The following NELL1 variants were observed in gnomAD, a reference collection of about 807,000 sequenced individuals.
NELL1 encodes neural EGFL like 1.
A neutral mutation model predicts 107.4 loss-of-function variants in NELL1; 76 were observed. The ratio of observed to expected loss-of-function variants is 0.71; its 90% CI spans 0.59 to 0.86. The LOEUF is 0.86. NELL1 is among the 40% of genes least tolerant of loss of function. The probability of loss-of-function intolerance (pLI) is 0.00; values close to 1 mark genes in which losing one functional copy is unlikely to be tolerated. For synonymous variants in NELL1, 353 were observed against 341.2 expected (o/e 1.03, Z -0.38); for missense variants, 1,024 against 1,005.5 (o/e 1.02, Z -0.25).
chr11:21,326,029 G>A (rs1314405908), intron 14 of NELL1, among the ~76,000 whole-genome samples: 5 of 119,584 alleles, frequency 4.2e-5, no homozygotes, highest in South Asian at 2.8e-4. Context: ...TATCCACCAC[G>A]GATATTTGTG....
At chr11:21,492,678 A>C in intron 15 of NELL1, among the ~76,000 whole-genome samples, 1 of 142,590 alleles carries the variant, frequency 7.0e-6, no homozygotes, top group Non-Finnish European at 1.5e-5. Flanking sequence ...TCTCACTCAT[A>C]GGTGGGAATT....
chr11:20,907,297 A>G (rs1239852768), intron 5 of NELL1, among the ~76,000 whole-genome samples: 1 of 151,928 alleles, frequency 6.6e-6, no homozygotes, highest in Non-Finnish European at 1.5e-5. Context: ...CAAAACCAAA[A>G]AAAGGAAGAA....
intron 3 of NELL1, among the ~76,000 whole-genome samples, chr11:20,797,355 G>A (rs932271616): frequency 6.6e-6 from 1 of 151,956 alleles, no homozygotes; most frequent in Non-Finnish European, 1.5e-5. Context: ...ACGAAGTCAG[G>A]AGATCGAGAC....
At chr11:21,440,469 G>C (rs551393085) in intron 15 of NELL1, among the ~76,000 whole-genome samples, 2 of 151,862 alleles carry the variant, frequency 1.3e-5, no homozygotes, top group Non-Finnish European at 2.9e-5. Flanking sequence ...ATATTTTCTG[G>C]GTAAATTTAT....
intron 12 of NELL1, among the ~76,000 whole-genome samples, chr11:21,077,335 A>G (rs1378855184): frequency 6.6e-6 from 1 of 152,198 alleles, no homozygotes; most frequent in African/African-American, 2.4e-5. Context: ...TATATATCAC[A>G]AAGAGATATC....
chr11:20,762,212 G>A (rs1185706438), intron 2 of NELL1, among the ~76,000 whole-genome samples: 1 of 152,240 alleles, frequency 6.6e-6, no homozygotes, highest in Non-Finnish European at 1.5e-5. Flanking sequence ...AGTAAACACG[G>A]TTCAGGTGTT....
At chr11:21,369,511 C>A (rs1851309410) in intron 14 of NELL1, among the ~76,000 whole-genome samples, 1 of 151,528 alleles carries the variant, frequency 6.6e-6, no homozygotes, top group Admixed American at 6.6e-5. Context: ...TTAAATCATT[C>A]AAGGGATATT....
intron 15 of NELL1, among the ~76,000 whole-genome samples, chr11:21,483,884 C>CAT (rs71034525): frequency 0.058 from 6,843 of 118,764 alleles, 360 homozygotes; most frequent in East Asian, 0.19. Context: ...CACACACACA[C>CAT]ATATATATAT....
intron 15 of NELL1, among the ~76,000 whole-genome samples, chr11:21,518,236 T>C (rs1855622743): frequency 6.6e-6 from 1 of 152,142 alleles, no homozygotes; most frequent in Admixed American, 6.5e-5. Context: ...AATAACTTTT[T>C]CATTATGATG....
intron 2 of NELL1, among the ~76,000 whole-genome samples, chr11:20,761,344 C>T (rs763291051): frequency 3.9e-5 from 6 of 152,220 alleles, no homozygotes; most frequent in African/African-American, 1.2e-4. Context: ...GGCTACCTGG[C>T]GTCTTGGAGC....
chr11:21,072,678 G>A (rs1446857679), intron 12 of NELL1, among the ~76,000 whole-genome samples: 1 of 152,120 alleles, frequency 6.6e-6, no homozygotes, highest in Non-Finnish European at 1.5e-5. Context: ...CAAAACTACT[G>A]TTCATGCCAG....
At chr11:20,959,389 C>T (rs1393931745) in intron 11 of NELL1, among the ~76,000 whole-genome samples, 1 of 152,158 alleles carries the variant, frequency 6.6e-6, no homozygotes, top group Admixed American at 6.5e-5. Context: ...TTGATAGCAG[C>T]ACAATTCACA....
chr11:21,101,847 G>T (rs969316119), intron 12 of NELL1, among the ~76,000 whole-genome samples: 1 of 152,010 alleles, frequency 6.6e-6, no homozygotes, highest in African/African-American at 2.4e-5. Context: ...AGTTTAATTA[G>T]ATCCCACGTT....
intron 16 of NELL1, among the ~76,000 whole-genome samples, chr11:21,538,896 C>G (rs763413425): frequency 6.6e-6 from 1 of 152,148 alleles, no homozygotes; most frequent in Admixed American, 6.5e-5. Context: ...TTTGTTCTCT[C>G]ATATACTTTG....
At chr11:21,051,358 A>G (rs1443113855) in intron 12 of NELL1, among the ~76,000 whole-genome samples, 1 of 152,124 alleles carries the variant, frequency 6.6e-6, no homozygotes, top group Non-Finnish European at 1.5e-5. Flanking sequence ...CATAAGAAGT[A>G]TACAATGGAC....
intron 12 of NELL1, among the ~76,000 whole-genome samples, chr11:20,976,854 A>G (rs188054608): frequency 6.6e-6 from 1 of 152,230 alleles, no homozygotes; most frequent in East Asian, 1.9e-4. Context: ...GATTTTTTTT[A>G]TGGTAACTGT....
At chr11:21,271,366 G>T (rs1590790538) in intron 14 of NELL1, among the ~76,000 whole-genome samples, 1 of 152,080 alleles carries the variant, frequency 6.6e-6, no homozygotes, top group East Asian at 1.9e-4. Context: ...AACTCTCTAT[G>T]CCCAAAATTT....
chr11:20,697,064 C>G (rs1854637529), intron 2 of NELL1, among the ~76,000 whole-genome samples: 2 of 152,230 alleles, frequency 1.3e-5, no homozygotes, highest in Admixed American at 6.6e-5. Flanking sequence ...AGAAAAACCT[C>G]TAGGCCAAAC....
chr11:21,563,329 T>C (rs1262974673), intron 17 of NELL1, among the ~76,000 whole-genome samples: 5 of 152,082 alleles, frequency 3.3e-5, no homozygotes, highest in Admixed American at 6.6e-5. Flanking sequence ...AGTATTTTAG[T>C]GTGAGTAGTT....
Sources: allele counts gnomAD v4.1 joint callset (sites outside exome capture counted in the v4.1 genomes callset), GRCh38; gene constraint gnomAD v4.1.1; transcripts MANE v1.5; gene names NCBI Gene and HGNC (gene_info 2026-07-23, HGNC 2026-07-21).